Variants in PLCG2 observed in about 807,000 individuals in gnomAD.
PLCG2 encodes phospholipase C gamma 2, also known as 1-phosphatidylinositol 4,5-bisphosphate phosphodiesterase gamma-2.
In PLCG2, 69 loss-of-function variants were observed where a neutral mutation model predicts 175.6. The ratio of observed to expected loss-of-function variants is 0.39; its 90% CI spans 0.32 to 0.48. The LOEUF (loss-of-function observed/expected upper bound fraction) is 0.48. Among genes scored for constraint, PLCG2 ranks in the 20% least tolerant of loss-of-function variants. PLCG2 has a pLI of 0.91. For synonymous variants in PLCG2, 827 were observed against 624.0 expected (o/e 1.33, Z -4.85); for missense variants, 1,798 against 1,650.9 (o/e 1.09, Z -1.54).
chr16:81,908,481 G>A lies in PLCG2; in HGVS notation c.1623G>A (p.Thr541=), dbSNP rs772797149. 17 of 1,614,032 alleles carry A rather than the reference G, an allele frequency of 1.1e-5. No individual in the cohort carries two copies. Among genetic ancestry groups the A allele is most frequent in the South Asian group, 2.2e-5 (2 of 91,080 alleles). ...TCCACAAGAAGGTGGAGAAGAGGAC[G>A]AGTGCCGAGAAGTTGCTGCAGGAAT... is the stretch of plus-strand genomic sequence containing the variant. The part of the protein sequence containing the change: ...KWFHKKVEKR[T]SAEKLLQEYC... Residue 541 remains threonine (T), a synonymous_variant, in exon 17 of 33, where the codon ACG becomes ACA. Transcript: ENST00000564138.
At position 81,936,388 on chromosome 16, in the gene PLCG2, G is replaced by T. The variant is rs201110214; in HGVS notation, c.3052+10G>T. 1.2e-6 allele frequency: 2 copies of T among 1,611,076 alleles called. No individual in the cohort carries two copies. Among genetic ancestry groups the T allele is most frequent in the African/African-American group, 1.3e-5 (1 of 74,968 alleles). On this transcript the variant is annotated intron_variant, in intron 27 of 32. Transcript: ENST00000564138. Reference sequence around the variant, plus strand: ...AATTTCCAGACGGCAGGTAAAGGCCGACTGAAGGTAGTCCCGTCCCTGCAA... The same window carrying T: ...AATTTCCAGACGGCAGGTAAAGGCCTACTGAAGGTAGTCCCGTCCCTGCAA...
At chr16:81,856,213 G>A (rs537846196) in intron 3 of PLCG2, among the ~76,000 whole-genome samples, 1 of 152,332 alleles carries the variant, frequency 6.6e-6, no homozygotes, top group Non-Finnish European at 1.5e-5. Flanking sequence ...GAAGATGAGA[G>A]CAGCAGTCTC....
At chr16:81,953,420 T>C (rs1300256270) in intron 31 of PLCG2, among the ~76,000 whole-genome samples, 1 of 152,206 alleles carries the variant, frequency 6.6e-6, no homozygotes, top group African/African-American at 2.4e-5. Context: ...ACCTTTTTTG[T>C]AAGCTTAAGC....
intron 1 of PLCG2, among the ~76,000 whole-genome samples, chr16:81,749,427 C>T (rs1416199442): frequency 1.3e-5 from 2 of 152,096 alleles, no homozygotes; most frequent in Admixed American, 1.3e-4. Context: ...ATCTTGGCTC[C>T]TGGCAACCTC....
In PLCG2 at chr16:81,786,016, C is replaced by T. The variant is rs772778136; in HGVS notation, c.27C>T (p.Ser9=). The change falls in exon 2 of 33, where the codon TCC becomes TCT. Residue 9 remains serine (S), a synonymous_variant. Transcript: ENST00000564138. Reference sequence around the variant, plus strand: ...TGTCCACCACGGTCAATGTAGATTCCCTTGCGGAATATGAGAAGAGCCAGA... The same window carrying T: ...TGTCCACCACGGTCAATGTAGATTCTCTTGCGGAATATGAGAAGAGCCAGA... MSTTVNVD[S]LAEYEKSQIK... is the part of the protein sequence containing the mutation. 1.9e-6 allele frequency: 3 copies of T among 1,614,072 alleles called. No homozygotes were observed. The highest frequency in any genetic ancestry group is 4.5e-5 in the East Asian group (2 of 44,904).
At chr16:81,768,659 G>A (rs926742491) in intron 2 of PLCG2, among the ~76,000 whole-genome samples, 10 of 141,854 alleles carry the variant, frequency 7.0e-5, no homozygotes, top group East Asian at 2.3e-4. Flanking sequence ...TCCGCCTCCC[G>A]GGTTCAAGCG....
At chr16:81,810,240 C>G (rs1049401974) in intron 2 of PLCG2, among the ~76,000 whole-genome samples, 8 of 152,186 alleles carry the variant, frequency 5.3e-5, no homozygotes, top group Non-Finnish European at 1.5e-5. Context: ...CATGCCTCAG[C>G]CTTCCGAAGT....
chr16:81,953,248 G>T (rs1911438418), intron 31 of PLCG2, among the ~76,000 whole-genome samples: 2 of 152,218 alleles, frequency 1.3e-5, no homozygotes, highest in South Asian at 4.1e-4. Context: ...ACAGGAAAAG[G>T]AGACTGGTGG....
At chr16:81,785,183 A>C (rs189662671) in intron 1 of PLCG2, among the ~76,000 whole-genome samples, 1 of 152,174 alleles carries the variant, frequency 6.6e-6, no homozygotes, top group East Asian at 1.9e-4. Context: ...GGGCCCAAGC[A>C]CCTCTCTGAC....
At chr16:81,893,085 A>G (rs1253804773) in intron 11 of PLCG2, among the ~76,000 whole-genome samples, 1 of 151,966 alleles carries the variant, frequency 6.6e-6, no homozygotes, top group Non-Finnish European at 1.5e-5. Context: ...GGTCTTGAAC[A>G]CCTGACCTCG....
At chr16:81,929,682 C>T (rs946888383) in intron 24 of PLCG2, among the ~76,000 whole-genome samples, 10 of 152,274 alleles carry the variant, frequency 6.6e-5, no homozygotes, top group African/African-American at 2.4e-4. Context: ...AGGCATGTGC[C>T]ACCATGCCCA....
At chr16:81,925,782 G>A (rs932285045) in intron 22 of PLCG2, among the ~76,000 whole-genome samples, 7 of 152,104 alleles carry the variant, frequency 4.6e-5, no homozygotes, top group Admixed American at 3.3e-4. Flanking sequence ...AGCTACTGGC[G>A]GGGCTGAGGC....
At chr16:81,772,807 T>TG (rs1395636740) in intron 2 of PLCG2, among the ~76,000 whole-genome samples, 1 of 134,012 alleles carries the variant, frequency 7.5e-6, no homozygotes, top group Non-Finnish European at 1.7e-5. Flanking sequence ...AGACTCCATC[T>TG]CCAAAAAAAA....
chr16:81,797,044 C>A (rs777342579), intron 2 of PLCG2, among the ~76,000 whole-genome samples: 1 of 152,208 alleles, frequency 6.6e-6, no homozygotes, highest in Non-Finnish European at 1.5e-5. Context: ...CTTTCTTCCA[C>A]GTGTCATGTT....
chr16:81,814,387 A>G (rs1302984880), intron 2 of PLCG2, among the ~76,000 whole-genome samples: 1 of 152,008 alleles, frequency 6.6e-6, no homozygotes, highest in Non-Finnish European at 1.5e-5. Context: ...TGTAGCCGGG[A>G]TTGGATTGAA....
In PLCG2 at chr16:81,956,707, G is replaced by T; in HGVS notation, c.3583G>T (p.Glu1195Ter). The T allele has an allele frequency of 6.2e-7, 1 of 1,613,916 alleles. No individual in the cohort carries two copies. Residue 1195 changes from glutamate to a stop codon, truncating the protein, a stop_gained, in exon 32 of 33, where the codon GAA becomes TAA. Transcript: ENST00000564138. LOFTEE classifies it high-confidence loss of function. ...CTGCATCCTCCAGGAGAGCGAAGAG[G>T]AACTTTACTCCTCCTGTCGCCAGCT... ...EMRPVLESEE[E>*]LYSSCRQLRR...
chr16:81,818,690 AG>A (rs1215400940), intron 2 of PLCG2, among the ~76,000 whole-genome samples: 1 of 152,060 alleles, frequency 6.6e-6, no homozygotes, highest in Non-Finnish European at 1.5e-5. Flanking sequence ...CACTGTGGGC[AG>A]CAGGAAATGG....
intron 14 of PLCG2, 51 bp downstream of exon 14, chr16:81,900,831 G>GT (rs776936284): frequency 3.3e-6 from 5 of 1,537,976 alleles, no homozygotes; most frequent in Non-Finnish European, 4.5e-6. Flanking sequence ...CAGTGGCTCG[G>GT]TTCCCCGGCT....
chr16:81,934,370 C>T (rs562639486), intron 25 of PLCG2, 59 bp from the exon 26 acceptor site: 25 of 1,036,470 alleles, frequency 2.4e-5, no homozygotes, highest in Middle Eastern at 2.1e-4. Context: ...AAATGCAGGG[C>T]GAGCTGGGAA....
Sources: allele counts gnomAD v4.1 joint callset (sites outside exome capture counted in the v4.1 genomes callset), GRCh38; gene constraint gnomAD v4.1.1; transcripts MANE v1.5; gene names NCBI Gene and HGNC (gene_info 2026-07-23, HGNC 2026-07-21).